Variants in TAB2 observed in about 807,000 individuals in gnomAD.
The protein encoded by TAB2 is TGF-beta activated kinase 1 (MAP3K7) binding protein 2.
Under a neutral mutation model 65.0 loss-of-function variants are expected in TAB2, and 3 were observed. The ratio of observed to expected loss-of-function variants is 0.05; its 90% CI spans 0.02 to 0.12. The LOEUF is 0.12. Ranked by LOEUF, TAB2 falls within the 10% of genes least tolerant of loss-of-function variation. The pLI is 1.00. For missense variants in TAB2, 623 were observed against 840.3 expected (o/e 0.74, Z 3.20); for synonymous variants, 298 against 285.1 (o/e 1.05, Z -0.46).
upstream of TAB2, among the ~76,000 whole-genome samples, chr6:149,316,282 T>C (rs1489279428): frequency 6.6e-6 from 1 of 152,238 alleles, no homozygotes; most frequent in Non-Finnish European, 1.5e-5. Flanking sequence ...GGCAAAGTAT[T>C]TGAATTGGTG....
chr6:149,244,540 A>G (rs1380570393), intron 1 of TAB2: 1 of 152,314 alleles, frequency 6.6e-6, no homozygotes, highest in Non-Finnish European at 1.5e-5. Context: ...ATGAGTAATA[A>G]TAAGAGCAAG....
intron 1 of TAB2, among the ~76,000 whole-genome samples, chr6:149,270,527 T>C (rs1161835662): frequency 2.0e-5 from 3 of 152,180 alleles, no homozygotes; most frequent in Non-Finnish European, 4.4e-5. Flanking sequence ...ACCACAAAAA[T>C]AATGATAAGT....
intron 1 of TAB2, among the ~76,000 whole-genome samples, chr6:149,323,210 G>A (rs1779507893): frequency 6.6e-6 from 1 of 152,102 alleles, no homozygotes; most frequent in Non-Finnish European, 1.5e-5. Flanking sequence ...ATATCATTAT[G>A]CAAAGTCTCT....
intron 1 of TAB2, among the ~76,000 whole-genome samples, chr6:149,362,461 C>T (rs1017879885): frequency 1.9e-4 from 29 of 152,212 alleles, no homozygotes; most frequent in African/African-American, 6.7e-4. Flanking sequence ...CTGAGGACAG[C>T]GCTAAGGGGA....
At chr6:149,251,333 A>G (rs760589214) in intron 1 of TAB2, among the ~76,000 whole-genome samples, 8 of 152,142 alleles carry the variant, frequency 5.3e-5, no homozygotes, top group Non-Finnish European at 1.5e-5. Context: ...GCTGGACTCC[A>G]GGGGCGAGCA....
chr6:149,346,273 C>T (rs1162292181), intron 1 of TAB2, among the ~76,000 whole-genome samples: 1 of 151,124 alleles, frequency 6.6e-6, no homozygotes, highest in African/African-American at 2.4e-5. Flanking sequence ...TGCACGCATG[C>T]ACACACACAC....
rs796313931 is a variant in TAB2 at position 149,223,902 on chromosome 6, GA to G, written c.-121+5137del. On this transcript the variant is annotated intron_variant, in intron 1 of 1. Transcript: ENST00000606202. The stretch of plus-strand genomic sequence containing the variant: ...CTACACACCTCCCCCTTTAGGAAAA[GA>G]AAAAAAAAAACTGTAGAGACTGTCA... 7.4e-3 allele frequency among the ~76,000 whole-genome samples: 1,068 copies of G among 143,642 alleles called. 12 individuals are homozygous for G. The highest frequency in any genetic ancestry group is 0.025 in the Middle Eastern group (7 of 280). The allele number at this position is 143,642 out of a possible 152,430, so 94.2% of individuals were successfully genotyped here. A position where few individuals can be genotyped will look rare whatever the true frequency, so the allele number is the denominator to read the frequency against.
intron 1 of TAB2, among the ~76,000 whole-genome samples, chr6:149,361,089 C>G (rs1780832243): frequency 6.6e-6 from 1 of 152,206 alleles, no homozygotes; most frequent in Admixed American, 6.5e-5. Flanking sequence ...GCTGGTGGAC[C>G]TAACATTCTA....
At chr6:149,371,184 A>G (rs1286482108) in intron 2 of TAB2, among the ~76,000 whole-genome samples, 1 of 151,984 alleles carries the variant, frequency 6.6e-6, no homozygotes, top group Non-Finnish European at 1.5e-5. Context: ...ATTTATAATA[A>G]TGACTACATT....
intron 1 of TAB2, among the ~76,000 whole-genome samples, chr6:149,252,768 A>G (rs1777887823): frequency 6.6e-6 from 1 of 152,178 alleles, no homozygotes; most frequent in African/African-American, 2.4e-5. Flanking sequence ...CAGACAGAAT[A>G]TATTTCTCCT....
chr6:149,357,790 C>G (rs1156493489), intron 1 of TAB2, among the ~76,000 whole-genome samples: 1 of 151,926 alleles, frequency 6.6e-6, no homozygotes, highest in Non-Finnish European at 1.5e-5. Context: ...ACCTCCATCT[C>G]CCAGGTTCAA....
chr6:149,275,094 T>C (rs955301635), intron 1 of TAB2, among the ~76,000 whole-genome samples: 2 of 150,838 alleles, frequency 1.3e-5, no homozygotes, highest in Admixed American at 6.6e-5. Flanking sequence ...CAATATCCCA[T>C]TCATTTCCCT....
chr6:149,356,416 A>G (rs1780654485), intron 1 of TAB2, among the ~76,000 whole-genome samples: 1 of 152,240 alleles, frequency 6.6e-6, no homozygotes, highest in African/African-American at 2.4e-5. Flanking sequence ...GTAACAAAAT[A>G]CCATAAACTA....
intron 5 of TAB2, 141 bp from the exon 6 acceptor site, chr6:149,398,963 T>C (rs1782270177): frequency 1.4e-6 from 1 of 692,912 alleles, no homozygotes; most frequent in African/African-American, 1.8e-5. Flanking sequence ...AAATCTTACA[T>C]ATAATTCGAG....
intron 1 of TAB2, among the ~76,000 whole-genome samples, chr6:149,294,919 A>C (rs1455287297): frequency 6.6e-6 from 1 of 152,238 alleles, no homozygotes; most frequent in African/African-American, 2.4e-5. Flanking sequence ...AATGTTATGA[A>C]AATATAAGGC....
At position 149,405,788 on chromosome 6, in the gene TAB2, A is replaced by T. The variant is rs554740255; in HGVS notation, c.1940-3789A>T. Among the ~76,000 whole-genome samples the T allele has an allele frequency of 1.8e-4, 28 of 152,294 alleles. No individual in the cohort carries two copies. In the East Asian group the frequency reaches 5.4e-3, roughly 29 times the overall value. On this transcript the variant is annotated intron_variant, in intron 6 of 6. Coordinates refer to ENST00000637181, the MANE Select transcript of TAB2 (RefSeq NM_001292034.3). ...GTGGTCGAAGGGGTACAGAGTTTCA[A>T]CTATATAAGATAAATAAACTCTGGA...
At chr6:149,226,982 C>T (rs1777294154) in intron 1 of TAB2, among the ~76,000 whole-genome samples, 1 of 152,148 alleles carries the variant, frequency 6.6e-6, no homozygotes, top group Non-Finnish European at 1.5e-5. Flanking sequence ...TTATTTGGTT[C>T]TCTAACAGAT....
intron 6 of TAB2, among the ~76,000 whole-genome samples, chr6:149,399,552 G>A (rs1782297871): frequency 1.3e-5 from 2 of 150,150 alleles, no homozygotes. Context: ...TGAGTATTTA[G>A]TTTAATTTAT....
intron 1 of TAB2, among the ~76,000 whole-genome samples, chr6:149,236,882 A>G (rs1777505239): frequency 6.6e-6 from 1 of 152,228 alleles, no homozygotes; most frequent in Admixed American, 6.5e-5. Flanking sequence ...GTCAGCCAGA[A>G]GCAATTTTCA....
Sources: gnomAD v4.1 joint callset for allele counts (sites outside exome capture counted in the v4.1 genomes callset) on GRCh38, gnomAD v4.1.1 for gene constraint, MANE v1.5 for transcripts, NCBI Gene and HGNC (gene_info 2026-07-23, HGNC 2026-07-21) for gene names.